GSE1: variants seen among roughly 807,000 people sequenced by gnomAD.
The protein encoded by GSE1 is genetic suppressor element 1.
GSE1 carries 32 observed loss-of-function variants against 112.6 expected under a neutral mutation model. The ratio of observed to expected loss-of-function variants is 0.28; its 90% CI spans 0.21 to 0.38. GSE1 has a LOEUF of 0.38. Among genes scored for constraint, GSE1 ranks in the 10% least tolerant of loss-of-function variants. The pLI, the probability that GSE1 is intolerant of heterozygous loss-of-function variation, is 1.00. For missense variants in GSE1, 2,348 were observed against 1,699.2 expected (o/e 1.38, Z -6.71); for synonymous variants, 1,115 against 735.6 (o/e 1.52, Z -8.35).
rs201999105 is a variant in GSE1 at position 85,618,210 on chromosome 16, A to AG, written c.7+4818dup. Among the ~76,000 whole-genome samples, 967 of 152,082 alleles carry AG rather than the reference A, an allele frequency of 6.4e-3. 11 individuals are homozygous for AG. Among genetic ancestry groups the AG allele is most frequent in the African/African-American group, 0.022 (913 of 41,462 alleles). On this transcript the variant is annotated intron_variant, in intron 1 of 15. Coordinates refer to ENST00000253458, the MANE Select transcript of GSE1 (RefSeq NM_014615.5). ...GGGATCACTGGACTGAGGTGGCGTG[A>AG]GGGGGGTGCGTGCTAATGGTGACAT...
At chr16:85,233,157 C>A (rs978670185) in intron 1 of GSE1, among the ~76,000 whole-genome samples, 9 of 152,274 alleles carry the variant, frequency 5.9e-5, no homozygotes, top group Non-Finnish European at 1.3e-4. Flanking sequence ...TTCTCATCCC[C>A]GACAGTCCCC....
At chr16:85,666,854 A>T (rs2052904392) in intron 13 of GSE1, among the ~76,000 whole-genome samples, 1 of 152,252 alleles carries the variant, frequency 6.6e-6, no homozygotes, top group Non-Finnish European at 1.5e-5. Flanking sequence ...GGATTCAACC[A>T]GCTTCAGATT....
At chr16:85,521,476 C>A (rs980913606) in intron 2 of GSE1, among the ~76,000 whole-genome samples, 2 of 152,234 alleles carry the variant, frequency 1.3e-5, no homozygotes, top group African/African-American at 4.8e-5. Flanking sequence ...CAGGGCCCAG[C>A]CTGCGGGCAT....
At chr16:85,330,717 G>T (rs2046319050) in intron 1 of GSE1, among the ~76,000 whole-genome samples, 1 of 152,224 alleles carries the variant, frequency 6.6e-6, no homozygotes, top group Non-Finnish European at 1.5e-5. Context: ...AACGACATCT[G>T]CCCGGATCCC....
chr16:85,587,300 G>A (rs1430008143), intron 1 of GSE1, among the ~76,000 whole-genome samples: 1 of 152,202 alleles, frequency 6.6e-6, no homozygotes, highest in Admixed American at 6.5e-5. Context: ...AGATGGCGCT[G>A]GTATTAGGAA....
At chr16:85,326,971 C>T (rs915831601) in intron 1 of GSE1, among the ~76,000 whole-genome samples, 3 of 152,234 alleles carry the variant, frequency 2.0e-5, no homozygotes, top group African/African-American at 7.2e-5. Context: ...GCATAAGGCT[C>T]GGCAGGGAGG....
intron 2 of GSE1, among the ~76,000 whole-genome samples, chr16:85,438,787 G>C (rs990408860): frequency 2.0e-5 from 3 of 152,170 alleles, no homozygotes; most frequent in Admixed American, 2.0e-4. Context: ...AGAAGCAAAG[G>C]GTGCTGGGAC....
At chr16:85,398,069 G>A (rs559336395) in intron 2 of GSE1, among the ~76,000 whole-genome samples, 236 of 152,270 alleles carry the variant, frequency 1.5e-3, no homozygotes, top group African/African-American at 4.9e-3. Context: ...TAGGGAAGAC[G>A]CACCTTGGTA....
intron 2 of GSE1, among the ~76,000 whole-genome samples, chr16:85,467,208 C>A (rs899813198): frequency 5.3e-5 from 8 of 152,072 alleles, no homozygotes; most frequent in Non-Finnish European, 1.2e-4. Context: ...CCATAAGGAG[C>A]GAGGGGCCGG....
At position 85,661,554 on chromosome 16, in the gene GSE1, G is replaced by C. The variant is rs768369792; in HGVS notation, c.2049G>C (p.Gln683His). The C allele has an allele frequency of 5.0e-6, 8 of 1,611,746 alleles. 1 individual carries two copies. The South Asian group carries it at 7.7e-5, about 16-fold the overall frequency. Residue 683 changes from glutamine (Q) to histidine (H), a missense_variant, in exon 9 of 16, where the codon CAG becomes CAC. Coordinates refer to ENST00000253458, the MANE Select transcript of GSE1 (RefSeq NM_014615.5). ...PFLAELEKST[Q>H]TILGQQRASL... Reference sequence around the variant, plus strand: ...TGGCTGAGCTCGAGAAGTCCACCCAGACCATCCTGGGCCAGCAGCGGGCCT... The same window carrying C: ...TGGCTGAGCTCGAGAAGTCCACCCACACCATCCTGGGCCAGCAGCGGGCCT...
At chr16:85,345,597 T>C (rs2046717914) in intron 1 of GSE1, among the ~76,000 whole-genome samples, 1 of 152,172 alleles carries the variant, frequency 6.6e-6, no homozygotes, top group African/African-American at 2.4e-5. Flanking sequence ...ATCTCTACCA[T>C]TGCCCACCCA....
chr16:85,476,475 ATCATGGCT>A (rs1248217493), intron 2 of GSE1, among the ~76,000 whole-genome samples: 1 of 152,224 alleles, frequency 6.6e-6, no homozygotes, highest in Non-Finnish European at 1.5e-5. Flanking sequence ...AACTCCGTGT[ATCATGGCT>A]TCATGGCGGT....
rs767473439 is a variant in GSE1, at chr16:85,633,881, G to A, written c.8-33G>A. ...CTGGTGCTGGGCGCTCCTGCTCTCT[G>A]GGTGACCTCTGGTTCTTCTTTTCCT... On this transcript the variant is annotated intron_variant, in intron 1 of 15. Transcript: ENST00000253458. 4.5e-6 allele frequency: 7 copies of A among 1,563,248 alleles called. No individual in the cohort carries two copies. In the Admixed American group the frequency reaches 1.2e-4, roughly 27 times the overall value.
intron 1 of GSE1, among the ~76,000 whole-genome samples, chr16:85,344,040 T>C (rs748793406): frequency 3.3e-5 from 5 of 152,128 alleles, no homozygotes; most frequent in Non-Finnish European, 5.9e-5. Context: ...CTCAGATACG[T>C]CTCCTTCAGC....
intron 1 of GSE1, among the ~76,000 whole-genome samples, chr16:85,579,719 C>G (rs917006498): frequency 6.6e-6 from 1 of 152,212 alleles, no homozygotes; most frequent in Non-Finnish European, 1.5e-5. Flanking sequence ...TCCCGGGTTC[C>G]TGCTGAAAGT....
At chr16:85,510,213 A>G (rs1193703245) in intron 2 of GSE1, among the ~76,000 whole-genome samples, 6 of 152,142 alleles carry the variant, frequency 3.9e-5, no homozygotes, top group Non-Finnish European at 7.4e-5. Flanking sequence ...CCGGCTTTTC[A>G]TTATACTCTG....
chr16:85,386,428 C>T (rs528719089), intron 2 of GSE1, among the ~76,000 whole-genome samples: 2 of 152,330 alleles, frequency 1.3e-5, no homozygotes, highest in African/African-American at 2.4e-5. Flanking sequence ...AAAGATATGA[C>T]GTAACGCACG....
chr16:85,505,194 C>T (rs542268181), intron 2 of GSE1, among the ~76,000 whole-genome samples: 47 of 152,238 alleles, frequency 3.1e-4, no homozygotes, highest in Middle Eastern at 6.8e-3. Context: ...GTGGGAGGTG[C>T]CCCAAGAGCA....
chr16:85,225,960 T>C (rs1597843039), intron 1 of GSE1, among the ~76,000 whole-genome samples: 1 of 152,196 alleles, frequency 6.6e-6, no homozygotes, highest in Non-Finnish European at 1.5e-5. Context: ...CGGGTGGCTC[T>C]TTTGTGGCTG....
Sources: gnomAD v4.1 joint callset for allele counts (sites outside exome capture counted in the v4.1 genomes callset) on GRCh38, gnomAD v4.1.1 for gene constraint, MANE v1.5 for transcripts, NCBI Gene and HGNC (gene_info 2026-07-23, HGNC 2026-07-21) for gene names.